Variants in THOC2 observed in about 807,000 individuals in gnomAD.
The protein encoded by THOC2 is THO complex 2.
THOC2 carries 10 observed loss-of-function variants against 128.4 expected under a neutral mutation model. The observed-to-expected ratio is 0.08, with a 90% CI of 0.05 to 0.13. The LOEUF is 0.13. Among genes scored for constraint, THOC2 ranks in the 10% least tolerant of loss-of-function variants. The pLI, the probability that THOC2 is intolerant of heterozygous loss-of-function variation, is 1.00. For synonymous variants in THOC2, 393 were observed against 396.9 expected (o/e 0.99, Z 0.12); for missense variants, 535 against 1,155.7 (o/e 0.46, Z 7.79).
intron 21 of THOC2, among the ~76,000 whole-genome samples, chrX:123,632,305 C>T (rs931128229): frequency 1.8e-5 from 2 of 109,085 alleles, no homozygotes; most frequent in South Asian, 4.0e-4. Context: ...CTGGGCAACA[C>T]GGCAGAGGCC....
chrX:123,621,106 T>C, intron 31 of THOC2, 51 bp downstream of exon 31: 1 of 1,176,884 alleles, frequency 8.5e-7, no homozygotes, highest in Non-Finnish European at 1.1e-6. Flanking sequence ...AATAACCAAC[T>C]ATACATTAAA....
intron 8 of THOC2, among the ~76,000 whole-genome samples, chrX:123,677,227 A>G (rs917267158): frequency 9.0e-6 from 1 of 111,647 alleles, no homozygotes; most frequent in African/African-American, 3.3e-5. Context: ...AAATATTTAA[A>G]ATGGTACACC....
At position 123,732,997 on chromosome X, in the gene THOC2, G is replaced by A; in HGVS notation, c.26C>T (p.Pro9Leu). ...CTCCCAGTTCTTTATCCACTCTGCG[G>A]GAACCACCACAGCCGCGGCCGCCAT... MAAAAVVV[P>L]AEWIKNWEKS... The change falls in exon 1 of 39, where the codon CCC becomes CTC. Residue 9 changes from proline (P) to leucine (L), a missense_variant. Pro to Leu is a moderately conservative substitution (Grantham distance 98). Around this residue, in one of 9 missense-constraint regions of THOC2, gnomAD observed 61 missense variants for 84.3 expected, o/e 0.72. Transcript: ENST00000245838. 2.5e-6 allele frequency: 3 copies of A among 1,211,925 alleles called. No homozygotes were observed. Among genetic ancestry groups the A allele is most frequent in the Non-Finnish European group, 3.4e-6 (3 of 895,517 alleles).
At chrX:123,678,292 G>C (rs1268125879) in intron 8 of THOC2, among the ~76,000 whole-genome samples, 1 of 103,664 alleles carries the variant, frequency 9.6e-6, no homozygotes, top group Admixed American at 1.1e-4. Flanking sequence ...TTGAGATGGA[G>C]TCTTGCTCTG....
At chrX:123,724,651 C>T (rs1029847646) in intron 1 of THOC2, among the ~76,000 whole-genome samples, 4 of 111,511 alleles carry the variant, frequency 3.6e-5, no homozygotes, top group Non-Finnish European at 7.5e-5. Flanking sequence ...CATCACCGCA[C>T]TCCAACCTGG....
At chrX:123,606,158 C>G in intron 38 of THOC2, among the ~76,000 whole-genome samples, 1 of 109,562 alleles carries the variant, frequency 9.1e-6, no homozygotes, top group East Asian at 2.8e-4. Context: ...GTGCATTTTG[C>G]TGGCGGTGGT....
At chrX:123,671,535 G>A in intron 9 of THOC2, 134 bp downstream of exon 9, 1 of 352,593 alleles carries the variant, frequency 2.8e-6, no homozygotes, top group Non-Finnish European at 5.1e-6. Context: ...AATCAACAAT[G>A]TATTGGGGCT....
At chrX:123,634,756 C>T (rs930800209) in intron 19 of THOC2, among the ~76,000 whole-genome samples, 2 of 111,002 alleles carry the variant, frequency 1.8e-5, no homozygotes, top group Admixed American at 9.7e-5. Context: ...CACTTGGAAG[C>T]GAGGCAGGGA....
At chrX:123,676,056 T>C (rs1326290919) in intron 8 of THOC2, among the ~76,000 whole-genome samples, 2 of 112,617 alleles carry the variant, frequency 1.8e-5, no homozygotes, top group African/African-American at 6.5e-5. Context: ...GCTCTGAGCA[T>C]AAGCATGACC....
intron 3 of THOC2, 89 bp from the exon 4 acceptor site, chrX:123,703,594 A>G (rs1190298902): frequency 6.6e-6 from 4 of 602,352 alleles, no homozygotes; most frequent in Non-Finnish European, 1.0e-5. Flanking sequence ...GTGAAACTTA[A>G]AAACAAAAAA....
intron 23 of THOC2, among the ~76,000 whole-genome samples, chrX:123,626,947 C>T (rs1333104219): frequency 8.9e-6 from 1 of 111,736 alleles, no homozygotes; most frequent in Non-Finnish European, 1.9e-5. Context: ...GACTGGTTTA[C>T]AAGCCTTGTA....
intron 6 of THOC2, 64 bp downstream of exon 6, chrX:123,696,657 T>C (rs1045182216): frequency 3.3e-5 from 36 of 1,097,235 alleles, no homozygotes; most frequent in Non-Finnish European, 4.3e-5. Context: ...CTACTAGGAT[T>C]CAAAATATGA....
At chrX:123,628,925 C>A (rs994350209) in intron 22 of THOC2, among the ~76,000 whole-genome samples, 1 of 108,843 alleles carries the variant, frequency 9.2e-6, no homozygotes, top group Non-Finnish European at 1.9e-5. Context: ...ATAAATTTTT[C>A]TGTGAAAAGC....
chrX:123,677,531 A>C (rs929874344), intron 8 of THOC2, among the ~76,000 whole-genome samples: 8 of 111,729 alleles, frequency 7.2e-5, no homozygotes, highest in African/African-American at 2.3e-4. Context: ...CTGTACAAAA[A>C]TATGTTTTCT....
chrX:123,670,497 T>C (rs1462990984), intron 9 of THOC2, among the ~76,000 whole-genome samples: 1 of 112,572 alleles, frequency 8.9e-6, no homozygotes, highest in Non-Finnish European at 1.9e-5. Flanking sequence ...CATGCGCCTG[T>C]AATCCCAGCT....
chrX:123,715,286 C>T lies in THOC2; in HGVS notation c.72-2378G>A, dbSNP rs144987002. Among the ~76,000 whole-genome samples the T allele has an allele frequency of 5.8e-3, 632 of 109,717 alleles. 5 individuals are homozygous for T. The highest frequency in any genetic ancestry group is 0.019 in the Middle Eastern group (4 of 215). ...CTCCTGGGCTCAAGCAATCTGCCCA[C>T]CTCAGCCCAACAAAGTTCTGGGAAT... is the stretch of plus-strand genomic sequence containing the variant. On this transcript the variant is annotated intron_variant, in intron 1 of 38. Transcript: ENST00000245838.
At chrX:123,636,232 A>G in intron 18 of THOC2, 57 bp from the exon 19 acceptor site, 4 of 933,658 alleles carry the variant, frequency 4.3e-6, no homozygotes, top group Non-Finnish European at 6.0e-6. Flanking sequence ...CACAAGTATC[A>G]TTTCAACTAA....
chrX:123,719,127 G>A (rs2147975352), intron 1 of THOC2, among the ~76,000 whole-genome samples: 2 of 107,798 alleles, frequency 1.9e-5, no homozygotes, highest in South Asian at 8.3e-4. Flanking sequence ...GCAGTGAACA[G>A]AGATGGTGCC....
chrX:123,680,645 G>C (rs2049732691), intron 8 of THOC2, among the ~76,000 whole-genome samples: 1 of 109,737 alleles, frequency 9.1e-6, no homozygotes, highest in Non-Finnish European at 1.9e-5. Flanking sequence ...TCCATATGTC[G>C]ATTATCTACA....
Sources: gnomAD v4.1 joint callset for allele counts (sites outside exome capture counted in the v4.1 genomes callset) on GRCh38, gnomAD v4.1.1 for gene constraint, gnomAD v4.1.1 regional missense constraint, MANE v1.5 for transcripts, NCBI Gene and HGNC (gene_info 2026-07-23, HGNC 2026-07-21) for gene names.